TMPRSS11D: variants seen among roughly 807,000 people sequenced by gnomAD.
The protein encoded by TMPRSS11D is transmembrane protease serine 11D.
A neutral mutation model predicts 44.4 loss-of-function variants in TMPRSS11D; 32 were observed. That is an observed-to-expected ratio of 0.72 (90% CI 0.54 to 0.97). The LOEUF is 0.97. TMPRSS11D is among the 50% of genes least tolerant of loss of function. The probability of loss-of-function intolerance (pLI) is 0.00; values close to 1 mark genes in which losing one functional copy is unlikely to be tolerated. For missense variants in TMPRSS11D, 446 were observed against 502.6 expected (o/e 0.89, Z 1.08); for synonymous variants, 179 against 177.9 (o/e 1.01, Z -0.05).
chr4:67,827,259 A>G lies in TMPRSS11D; in HGVS notation c.952+2T>C. 6.3e-7 allele frequency: 1 copy of G among 1,586,802 alleles called. No individual in the cohort carries two copies. Among genetic ancestry groups the G allele is most frequent in the Non-Finnish European group, 8.5e-7 (1 of 1,170,552 alleles). On this transcript the variant is annotated splice_donor_variant, in intron 8 of 9. Transcript: ENST00000283916. LOFTEE classifies it high-confidence loss of function. Reference sequence around the variant, plus strand: ...GTTAATTTTTTTTTCCGAGACACTTACCAGCATATTCTTGAGCGCCCCATC... The same window carrying G: ...GTTAATTTTTTTTTCCGAGACACTTGCCAGCATATTCTTGAGCGCCCCATC...
intron 1 of TMPRSS11D, among the ~76,000 whole-genome samples, chr4:67,871,792 A>T (rs1719066748): frequency 6.6e-6 from 1 of 152,202 alleles, no homozygotes; most frequent in Admixed American, 6.5e-5. Flanking sequence ...GGGTGGCACC[A>T]TCTACAAAGG....
chr4:67,882,898 T>C (rs147951071), intron 1 of TMPRSS11D, among the ~76,000 whole-genome samples: 1 of 152,046 alleles, frequency 6.6e-6, no homozygotes, highest in African/African-American at 2.4e-5. Flanking sequence ...AAACTCAGTA[T>C]GTAAATTACT....
At chr4:67,825,672 A>C in intron 9 of TMPRSS11D, 60 bp downstream of exon 9, 1 of 1,564,896 alleles carries the variant, frequency 6.4e-7, no homozygotes, top group East Asian at 2.3e-5. Context: ...ATTATCACAT[A>C]CTAGGAAGTG....
chr4:67,874,392 A>G (rs1474054018), intron 1 of TMPRSS11D, among the ~76,000 whole-genome samples: 1 of 152,298 alleles, frequency 6.6e-6, no homozygotes, highest in East Asian at 1.9e-4. Context: ...CGCAATAGAA[A>G]GTGTCAAGAT....
intron 2 of TMPRSS11D, among the ~76,000 whole-genome samples, chr4:67,855,548 C>A (rs1350907266): frequency 2.0e-5 from 3 of 151,958 alleles, no homozygotes; most frequent in African/African-American, 7.3e-5. Context: ...AAGGGACATA[C>A]CTCAACAACA....
At chr4:67,862,307 AT>A (rs1246709241) in intron 1 of TMPRSS11D, among the ~76,000 whole-genome samples, 1 of 152,124 alleles carries the variant, frequency 6.6e-6, no homozygotes, top group African/African-American at 2.4e-5. Flanking sequence ...CAGAGAGTGA[AT>A]AACTTATGTT....
intron 1 of TMPRSS11D, among the ~76,000 whole-genome samples, chr4:67,870,762 G>A (rs1027832261): frequency 2.0e-5 from 3 of 149,770 alleles, no homozygotes; most frequent in Admixed American, 6.6e-5. Flanking sequence ...TGCAGTGAGC[G>A]GAGATGGCGC....
At chr4:67,836,249 A>G (rs1184998121) in intron 5 of TMPRSS11D, among the ~76,000 whole-genome samples, 1 of 151,992 alleles carries the variant, frequency 6.6e-6, no homozygotes, top group Non-Finnish European at 1.5e-5. Context: ...GAATTCCACC[A>G]CTTTTGCTCC....
At chr4:67,846,887 G>A (rs1413359059) in intron 3 of TMPRSS11D, among the ~76,000 whole-genome samples, 1 of 143,198 alleles carries the variant, frequency 7.0e-6, no homozygotes, top group African/African-American at 2.6e-5. Flanking sequence ...TCTCTCTATA[G>A]CATGAATTTT....
At chr4:67,857,498 C>T (rs1044610851) in intron 2 of TMPRSS11D, among the ~76,000 whole-genome samples, 1 of 151,856 alleles carries the variant, frequency 6.6e-6, no homozygotes, top group African/African-American at 2.4e-5. Context: ...CCTGTAATCC[C>T]TGTAATCCCA....
intron 1 of TMPRSS11D, among the ~76,000 whole-genome samples, chr4:67,860,088 A>G (rs573721836): frequency 4.6e-5 from 7 of 152,182 alleles, no homozygotes; most frequent in Admixed American, 1.3e-4. Flanking sequence ...TGTACTGAAG[A>G]GAGATCATTT....
At chr4:67,863,328 C>CAA (rs561420216) in intron 1 of TMPRSS11D, among the ~76,000 whole-genome samples, 3,703 of 89,098 alleles carry the variant, frequency 0.042, 167 homozygotes, top group African/African-American at 0.11. Flanking sequence ...TGGTCTTGCT[C>CAA]AAAAAAAAAA....
chr4:67,874,005 A>G (rs1052507133), intron 1 of TMPRSS11D, among the ~76,000 whole-genome samples: 1 of 152,192 alleles, frequency 6.6e-6, no homozygotes, highest in Non-Finnish European at 1.5e-5. Context: ...GATCGCATGT[A>G]TGACAGTGGT....
At chr4:67,882,211 C>A (rs1219015281) in intron 1 of TMPRSS11D, among the ~76,000 whole-genome samples, 2 of 152,044 alleles carry the variant, frequency 1.3e-5, no homozygotes, top group Non-Finnish European at 2.9e-5. Flanking sequence ...AATTTTCAAC[C>A]AAAAGTATTT....
At position 67,838,263 on chromosome 4, in the gene TMPRSS11D, T is replaced by A. The variant is rs1718148819; in HGVS notation, c.384A>T (p.Gly128=). The part of the protein sequence containing the change: ...MKFQFTRNNN[G]ASMKSRIESV... Reference sequence around the variant, plus strand: ...ACTCAATTCTGCTTTTCATTGATGCTCCATTGTTATTTCTAGTGAATTGAA... The same window carrying A: ...ACTCAATTCTGCTTTTCATTGATGCACCATTGTTATTTCTAGTGAATTGAA... The change falls in exon 5 of 10, where the codon GGA becomes GGT. Residue 128 remains glycine, a synonymous_variant. Transcript: ENST00000283916. 2 of 1,603,360 alleles carry A rather than the reference T, an allele frequency of 1.2e-6. No individual in the cohort carries two copies. Among genetic ancestry groups the A allele is most frequent in the East Asian group, 2.3e-5 (1 of 44,280 alleles).
intron 3 of TMPRSS11D, among the ~76,000 whole-genome samples, chr4:67,849,953 A>C (rs1193511958): frequency 6.6e-6 from 1 of 152,172 alleles, no homozygotes; most frequent in East Asian, 1.9e-4. Flanking sequence ...TTTTTATGGC[A>C]TTGTATTAGA....
chr4:67,874,964 T>C lies in TMPRSS11D; in HGVS notation c.8+8962A>G, dbSNP rs143673513. 4.2e-3 allele frequency among the ~76,000 whole-genome samples: 640 copies of C among 152,332 alleles called. 4 individuals carry two copies. Among genetic ancestry groups the C allele is most frequent in the African/African-American group, 0.012 (505 of 41,584 alleles). On this transcript the variant is annotated intron_variant, in intron 1 of 9. Coordinates refer to ENST00000283916, the MANE Select transcript of TMPRSS11D (RefSeq NM_004262.3). ...CATGGACCAAACCCAATATTAGTTC[T>C]TTGAAATGTGCTTGAGTAATATTTA...
intron 1 of TMPRSS11D, among the ~76,000 whole-genome samples, chr4:67,867,988 A>C (rs914230192): frequency 9.9e-5 from 15 of 152,146 alleles, no homozygotes; most frequent in Admixed American, 3.9e-4. Context: ...AAGGAAAAGA[A>C]ATTATATCAA....
rs757766749 is a variant in TMPRSS11D, at chr4:67,822,084, C to T, written c.*253G>A. The T allele has an allele frequency of 5.6e-5, 21 of 376,882 alleles. No individual in the cohort carries two copies. The highest frequency in any genetic ancestry group is 9.1e-5 in the Non-Finnish European group (19 of 208,254). The allele number at this position is 376,882 out of a possible 1,614,324, so 23.3% of individuals were successfully genotyped here. On this transcript the variant is annotated 3_prime_UTR_variant, in exon 10 of 10. Transcript: ENST00000283916. The stretch of plus-strand genomic sequence containing the variant: ...AGCACAACTGTAATGAAATTGTTAA[C>T]TTTGTAATTAGTTTAGTGTGTTTCT...
Sources: allele counts gnomAD v4.1 joint callset (sites outside exome capture counted in the v4.1 genomes callset), GRCh38; gene constraint gnomAD v4.1.1; transcripts MANE v1.5; gene names NCBI Gene and HGNC (gene_info 2026-07-23, HGNC 2026-07-21).